SLC6A19: variants seen among roughly 807,000 people sequenced by gnomAD.
SLC6A19 encodes solute carrier family 6 member 19, also known as sodium-dependent neutral amino acid transporter B(0)AT1.
A neutral mutation model predicts 68.3 loss-of-function variants in SLC6A19; 67 were observed. The ratio of observed to expected loss-of-function variants is 0.98; its 90% CI spans 0.81 to 1.20. SLC6A19 has a LOEUF of 1.20. Among genes scored for constraint, SLC6A19 ranks in the 50% most tolerant of loss-of-function variants. The probability of loss-of-function intolerance (pLI) is 0.00; values close to 1 mark genes in which losing one functional copy is unlikely to be tolerated. For missense variants in SLC6A19, 813 were observed against 851.6 expected (o/e 0.95, Z 0.56); for synonymous variants, 392 against 374.9 (o/e 1.05, Z -0.53).
chr5:1,206,715 C>G (rs2126494811), intron 1 of SLC6A19, among the ~76,000 whole-genome samples: 1 of 152,224 alleles, frequency 6.6e-6, no homozygotes, highest in Middle Eastern at 3.4e-3. Context: ...ACGCGTCCCT[C>G]CTGAGAGGCC....
rs199753836 is a variant in SLC6A19 at position 1,222,579 on chromosome 5, T to C, written c.*675T>C. ...ATATGTGTGTGTCTGTACCTGTTTGTGTATATGTGTGTGATGTGTGCTCGT... is the reference window on the plus strand; with the variant it reads ...ATATGTGTGTGTCTGTACCTGTTTGCGTATATGTGTGTGATGTGTGCTCGT... On this transcript the variant is annotated 3_prime_UTR_variant, in exon 12 of 12. Transcript: ENST00000304460. The C allele has an allele frequency of 1.9e-4, 64 of 339,800 alleles. 1 individual carries two copies. In the East Asian group the frequency reaches 2.4e-3, roughly 13 times the overall value. 21.0% of individuals were successfully genotyped at this position (339,800 alleles called of 1,614,324 possible). A position where few individuals can be genotyped will look rare whatever the true frequency, so the allele number is the denominator to read the frequency against.
chr5:1,217,483 T>G (rs540520732), intron 8 of SLC6A19, among the ~76,000 whole-genome samples: 3 of 152,236 alleles, frequency 2.0e-5, no homozygotes, highest in Non-Finnish European at 4.4e-5. Context: ...ATTTTCATTA[T>G]GCAGTGTTCT....
At position 1,222,476 on chromosome 5, in the gene SLC6A19, A is replaced by G; in HGVS notation, c.*572A>G. 2.3e-6 allele frequency: 1 copy of G among 432,522 alleles called. No homozygotes were observed. Among genetic ancestry groups the G allele is most frequent in the Non-Finnish European group, 4.1e-6 (1 of 246,170 alleles). 26.8% of individuals were successfully genotyped at this position (432,522 alleles called of 1,614,324 possible). On this transcript the variant is annotated 3_prime_UTR_variant, in exon 12 of 12. Coordinates refer to ENST00000304460, the MANE Select transcript of SLC6A19 (RefSeq NM_001003841.3). ...TGTGCGTTTGCAAGTATATATGCAC[A>G]TGTGTATATGTACATGTATGCCTGT...
In SLC6A19 at chr5:1,216,654, C is replaced by T. The variant is rs140296083; in HGVS notation, c.984C>T (p.Arg328=). Residue 328 remains arginine, a synonymous_variant, in exon 7 of 12, where the codon CGC becomes CGT. Transcript: ENST00000304460. Reference sequence around the variant, plus strand: ...TGGTCTACTCCGTCATTGGGTTCCGCGCCACACAGCGCTACGACGACTGCT... The same window carrying T: ...TGGTCTACTCCGTCATTGGGTTCCGTGCCACACAGCGCTACGACGACTGCT... ...AIVVYSVIGF[R]ATQRYDDCFS... The T allele has an allele frequency of 4.1e-3, 6,565 of 1,613,958 alleles. 26 individuals carry two copies. The highest frequency in any genetic ancestry group is 4.8e-3 in the Non-Finnish European group (5,678 of 1,180,036).
rs6554663 is a variant in SLC6A19, at chr5:1,214,149, A to G, written c.887+84A>G. ...GAGGATAAAAGACAAGGTGGAAAGC[A>G]CTCTGTGGCTGTGTGGCCGGGGCCT... On this transcript the variant is annotated intron_variant, in intron 6 of 11. Coordinates refer to ENST00000304460, the MANE Select transcript of SLC6A19 (RefSeq NM_001003841.3). The surrounding 1 kb of genome is among the most constrained non-coding windows in gnomAD (Gnocchi z 7.4). 1,270,093 of 1,596,944 alleles carry G rather than the reference A, an allele frequency of 0.8. 506,652 individuals carry two copies. Among genetic ancestry groups the G allele is most frequent in the Middle Eastern group, 0.85 (5,120 of 6,028 alleles).
rs201925289 is a variant in SLC6A19, at chr5:1,201,697, C to G, written c.47C>G (p.Pro16Arg). The G allele has an allele frequency of 6.2e-7, 1 of 1,611,494 alleles. No homozygotes were observed. Among genetic ancestry groups the G allele is most frequent in the South Asian group, 1.1e-5 (1 of 91,050 alleles). The part of the protein sequence containing the change: ...LPNPGLDARI[P>R]SLAELETIEQ... ...AACCCCGGCCTAGACGCCCGGATCC[C>G]GTCCCTGGCTGAGCTGGAGACCATC... The change falls in exon 1 of 12, where the codon CCG becomes CGG. Residue 16 changes from proline (P) to arginine (R), a missense_variant. By Grantham distance (103) the Pro-to-Arg change is moderately radical. Coordinates refer to ENST00000304460, the MANE Select transcript of SLC6A19 (RefSeq NM_001003841.3).
rs1746153872 is a variant in SLC6A19 at position 1,214,618 on chromosome 5, C to T, written c.887+553C>T. On this transcript the variant is annotated intron_variant, in intron 6 of 11. Coordinates refer to ENST00000304460, the MANE Select transcript of SLC6A19 (RefSeq NM_001003841.3). This position sits in a 1 kb window ranked among gnomAD's most constrained non-coding sequence, Gnocchi z 7.4. ...CACCTACTATGTGCCCGACCTGGTG[C>T]ATCAGGACCTGCCCTCAGTGACCTG... Among the ~76,000 whole-genome samples the T allele has an allele frequency of 6.6e-6, 1 of 152,188 alleles. No homozygotes were observed. The highest frequency in any genetic ancestry group is 1.5e-5 in the Non-Finnish European group (1 of 68,036).
intron 5 of SLC6A19, 21 bp from the exon 6 acceptor site, chr5:1,213,932 G>T: frequency 6.2e-7 from 1 of 1,612,068 alleles, no homozygotes; most frequent in East Asian, 2.2e-5. Flanking sequence ...ATGAGTGGCT[G>T]AGGGTCTCCA....
rs1353767970 is a variant in SLC6A19, at chr5:1,201,851, A to G, written c.201A>G (p.Gly67=). Residue 67 remains glycine, a splice_region_variant and synonymous_variant, in exon 1 of 12, where the codon GGA becomes GGG. Transcript: ENST00000304460. ...CCTACCTGTGTCAGAGCCACGGAGG[A>G]GGTAGGCTGGCCGGGCGGGGCTGCG... is the stretch of plus-strand genomic sequence containing the variant. ...RFPYLCQSHG[G]GAFMIPFLIL... is the part of the protein sequence containing the mutation. 1 of 1,609,502 alleles carries G rather than the reference A, an allele frequency of 6.2e-7. No homozygotes were observed.
chr5:1,220,494 G>A (rs943849000), intron 10 of SLC6A19, among the ~76,000 whole-genome samples: 1 of 151,994 alleles, frequency 6.6e-6, no homozygotes, highest in African/African-American at 2.4e-5. Context: ...GCAGGCTCCC[G>A]GCTTGGGAAA....
At position 1,215,390 on chromosome 5, in the gene SLC6A19, G is replaced by A. The variant is rs979926170; in HGVS notation, c.888-1168G>A. ...TCCAATCAGCAAAAGCTCCACATATGTGAGCAGCCGCTCCCCAGTGCCCTG... is the reference window on the plus strand; with the variant it reads ...TCCAATCAGCAAAAGCTCCACATATATGAGCAGCCGCTCCCCAGTGCCCTG... On this transcript the variant is annotated intron_variant, in intron 6 of 11. Coordinates refer to ENST00000304460, the MANE Select transcript of SLC6A19 (RefSeq NM_001003841.3). The surrounding 1 kb of genome is among the most constrained non-coding windows in gnomAD (Gnocchi z 5.1). 1.3e-5 allele frequency among the ~76,000 whole-genome samples: 2 copies of A among 152,212 alleles called. No homozygotes were observed. Among genetic ancestry groups the A allele is most frequent in the Admixed American group, 1.3e-4 (2 of 15,286 alleles).
rs1746162914 is a variant in SLC6A19 at position 1,214,850 on chromosome 5, G to GA, written c.887+785_887+786insA. Among the ~76,000 whole-genome samples the GA allele has an allele frequency of 6.8e-6, 1 of 146,778 alleles. No individual in the cohort carries two copies. The highest frequency in any genetic ancestry group is 6.7e-5 in the Admixed American group (1 of 14,864). On this transcript the variant is annotated intron_variant, in intron 6 of 11. Transcript: ENST00000304460. This position sits in a 1 kb window ranked among gnomAD's most constrained non-coding sequence, Gnocchi z 7.4. ...AGGGAGGGTGGGGCCTAGACTGGAC[G>GA]GGGGCCTGGGTAGGGAGGGTGGGCC...
chr5:1,212,333 C>CTGTGGCTA lies in SLC6A19; in HGVS notation c.517_518insCTATGTGG (p.Asp173AlafsTer65). On this transcript the variant is annotated frameshift_variant, in exon 4 of 12. Transcript: ENST00000304460. LOFTEE classifies it high-confidence loss of function. This position sits in a 1 kb window ranked among gnomAD's most constrained non-coding sequence, Gnocchi z 5.1. ...GTGGACGAGTGCGCCAGGAGCTCCC[C>CTGTGGCTA]TGTGGACTACTTCTGGTACCGAGAG... 1 of 1,613,678 alleles carries CTGTGGCTA rather than the reference C, an allele frequency of 6.2e-7. No homozygotes were observed. The highest frequency in any genetic ancestry group is 8.5e-7 in the Non-Finnish European group (1 of 1,179,948).
In SLC6A19 at chr5:1,222,091, T is replaced by C. The variant is rs1746401002; in HGVS notation, c.*187T>C. On this transcript the variant is annotated 3_prime_UTR_variant, in exon 12 of 12. Transcript: ENST00000304460. ...TGTATCGTGTGTGCATGTACATGCA[T>C]GGGCACTGTGTGAGTGTGCACGTGT... 6 of 665,150 alleles carry C rather than the reference T, an allele frequency of 9.0e-6. No individual in the cohort carries two copies. Among genetic ancestry groups the C allele is most frequent in the Non-Finnish European group, 1.5e-5 (6 of 387,680 alleles). 41.2% of individuals were successfully genotyped at this position (665,150 alleles called of 1,614,324 possible). A position where few individuals can be genotyped will look rare whatever the true frequency, so the allele number is the denominator to read the frequency against.
chr5:1,219,653 C>T lies in SLC6A19; in HGVS notation c.1527C>T (p.Tyr509=), dbSNP rs201265754. ...FCEMFSVVYV[Y]GVDRFNKDIE... is the part of the protein sequence containing the mutation. ...AGATGTTCTCTGTGGTCTACGTGTA[C>T]GGTGTGGACAGGTAGGGGCCACGGT... Residue 509 remains tyrosine, a synonymous_variant, in exon 10 of 12, where the codon TAC becomes TAT. Transcript: ENST00000304460. 38 of 1,605,600 alleles carry T rather than the reference C, an allele frequency of 2.4e-5. No homozygotes were observed. Among genetic ancestry groups the T allele is most frequent in the African/African-American group, 1.7e-4 (13 of 75,062 alleles).
In SLC6A19 at chr5:1,209,673, C is replaced by A. The variant is rs904092627; in HGVS notation, c.344-771C>A. On this transcript the variant is annotated intron_variant, in intron 2 of 11. Coordinates refer to ENST00000304460, the MANE Select transcript of SLC6A19 (RefSeq NM_001003841.3). The surrounding 1 kb of genome is among the most constrained non-coding windows in gnomAD (Gnocchi z 5.5). ...TCCCCTCCTATTCTCTCCCTTCCCC[C>A]CTCTCTCTCATCCTCCTCCTCTCTC... Among the ~76,000 whole-genome samples the A allele has an allele frequency of 6.7e-6, 1 of 149,450 alleles. No homozygotes were observed. The highest frequency in any genetic ancestry group is 1.5e-5 in the Non-Finnish European group (1 of 67,324).
intron 1 of SLC6A19, among the ~76,000 whole-genome samples, chr5:1,207,453 C>T (rs1166493136): frequency 1.3e-5 from 2 of 152,232 alleles, no homozygotes; most frequent in South Asian, 4.1e-4. Flanking sequence ...CCGCTGAGCT[C>T]TGAGAGGAAG....
At chr5:1,208,328 C>T (rs1402413433) in intron 1 of SLC6A19, among the ~76,000 whole-genome samples, 2 of 152,178 alleles carry the variant, frequency 1.3e-5, no homozygotes, top group African/African-American at 2.4e-5. Context: ...GCAGGAGTGG[C>T]ACGCTGCTGT....
At chr5:1,206,735 C>T (rs950923940) in intron 1 of SLC6A19, among the ~76,000 whole-genome samples, 3 of 152,044 alleles carry the variant, frequency 2.0e-5, no homozygotes, top group African/African-American at 4.8e-5. Context: ...CCCAGGGACA[C>T]GCAGCGTGAG....
Sources: gnomAD v4.1 joint callset for allele counts (sites outside exome capture counted in the v4.1 genomes callset) on GRCh38, gnomAD v4.1.1 for gene constraint, Gnocchi (gnomAD v3.1) non-coding constraint, MANE v1.5 for transcripts, NCBI Gene and HGNC (gene_info 2026-07-23, HGNC 2026-07-21) for gene names.